The following PACRG variants were observed in gnomAD, a reference collection of about 807,000 sequenced individuals.
PACRG encodes the protein parkin coregulated gene protein.
PACRG carries 29 observed loss-of-function variants against 29.7 expected under a neutral mutation model. The observed-to-expected ratio is 0.98, with a 90% CI of 0.73 to 1.33. PACRG has a LOEUF of 1.33. Among genes scored for constraint, PACRG ranks in the 40% most tolerant of loss-of-function variants. PACRG has a pLI of 0.00. For synonymous variants in PACRG, 116 were observed against 118.7 expected (o/e 0.98, Z 0.15); for missense variants, 279 against 316.2 (o/e 0.88, Z 0.89).
intron 4 of PACRG, among the ~76,000 whole-genome samples, chr6:163,157,649 G>A (rs745753995): frequency 3.9e-5 from 6 of 152,214 alleles, no homozygotes; most frequent in Non-Finnish European, 7.3e-5. Context: ...CAGTTATCCA[G>A]CCAGCTGAGG....
At chr6:163,256,596 G>T (rs1222795517) in intron 4 of PACRG, among the ~76,000 whole-genome samples, 4 of 152,156 alleles carry the variant, frequency 2.6e-5, no homozygotes, top group Non-Finnish European at 5.9e-5. Context: ...TGAGGAAAAC[G>T]TTCCAGCCCA....
intron 2 of PACRG, chr6:163,046,601 C>T: frequency 6.6e-6 from 1 of 152,022 alleles, no homozygotes; most frequent in Non-Finnish European, 1.5e-5. Flanking sequence ...GGCTTTGAAC[C>T]CGGGGGTGCC....
intron 2 of PACRG, chr6:163,051,891 C>T (rs1810053954): frequency 6.6e-6 from 1 of 152,064 alleles, no homozygotes; most frequent in Non-Finnish European, 1.5e-5. Context: ...TGGATGAATC[C>T]GTTTCAGTCT....
intron 2 of PACRG, among the ~76,000 whole-genome samples, chr6:162,876,274 G>A (rs1793342121): frequency 6.6e-6 from 1 of 152,212 alleles, no homozygotes; most frequent in African/African-American, 2.4e-5. Context: ...AGAGTGGGAA[G>A]GGAGGCCAAG....
At chr6:162,852,254 C>A (rs1013295061) in intron 2 of PACRG, among the ~76,000 whole-genome samples, 1 of 152,182 alleles carries the variant, frequency 6.6e-6, no homozygotes, top group Non-Finnish European at 1.5e-5. Flanking sequence ...GTGATTGCCT[C>A]CATCTGACTA....
chr6:163,271,171 GC>G (rs1783812409), intron 4 of PACRG, among the ~76,000 whole-genome samples: 1 of 152,070 alleles, frequency 6.6e-6, no homozygotes, highest in Non-Finnish European at 1.5e-5. Context: ...AAAGATGAAG[GC>G]CAGAAGACTC....
intron 1 of PACRG, among the ~76,000 whole-genome samples, chr6:162,791,311 G>GTTT (rs60664405): frequency 0.016 from 2,066 of 128,780 alleles, 55 homozygotes; most frequent in East Asian, 0.14. Context: ...TTGTTTGTTT[G>GTTT]TTTTTTTTTT....
At chr6:162,748,527 CTTGTA>C (rs1562558450) in intron 1 of PACRG, among the ~76,000 whole-genome samples, 1 of 151,978 alleles carries the variant, frequency 6.6e-6, no homozygotes, top group African/African-American at 2.4e-5. Flanking sequence ...AACCAAAAAA[CTTGTA>C]TTCAGTTTAT....
chr6:163,155,287 A>G (rs1778267149), intron 4 of PACRG, among the ~76,000 whole-genome samples: 1 of 152,358 alleles, frequency 6.6e-6, no homozygotes, highest in South Asian at 2.1e-4. Context: ...AGATGAGGCC[A>G]GTGAAGAGGA....
chr6:162,977,872 A>G (rs1333804458), intron 2 of PACRG, among the ~76,000 whole-genome samples: 2 of 152,190 alleles, frequency 1.3e-5, no homozygotes, highest in Non-Finnish European at 2.9e-5. Flanking sequence ...GGCCAGGCAC[A>G]GTGGCTCACG....
At chr6:162,793,986 TTAAAA>T (rs1428798210) in intron 1 of PACRG, among the ~76,000 whole-genome samples, 1 of 152,182 alleles carries the variant, frequency 6.6e-6, no homozygotes, top group African/African-American at 2.4e-5. Context: ...ACCCTTGAAC[TTAAAA>T]TAAAAGTTAA....
At chr6:163,229,053 A>T (rs371450514) in intron 4 of PACRG, among the ~76,000 whole-genome samples, 9 of 152,212 alleles carry the variant, frequency 5.9e-5, no homozygotes, top group African/African-American at 1.9e-4. Flanking sequence ...GCTAAATTTC[A>T]TATCTCAATT....
chr6:163,301,671 G>C (rs1461959068), intron 4 of PACRG, among the ~76,000 whole-genome samples: 1 of 152,190 alleles, frequency 6.6e-6, no homozygotes, highest in Non-Finnish European at 1.5e-5. Context: ...ATGGCGTTCT[G>C]TGGGGCTATA....
At chr6:163,220,430 G>T (rs28360646) in intron 4 of PACRG, among the ~76,000 whole-genome samples, 41,963 of 151,992 alleles carry the variant, frequency 0.28, 6,832 homozygotes, top group East Asian at 0.6. Context: ...ATTTGCACAC[G>T]CCCTCTCTCT....
chr6:162,780,345 T>C (rs1784002752), intron 1 of PACRG, among the ~76,000 whole-genome samples: 1 of 152,236 alleles, frequency 6.6e-6, no homozygotes, highest in African/African-American at 2.4e-5. Context: ...CTTTAATATT[T>C]GGGCTCACAT....
At chr6:163,196,729 G>C (rs914573618) in intron 4 of PACRG, among the ~76,000 whole-genome samples, 3 of 152,126 alleles carry the variant, frequency 2.0e-5, no homozygotes, top group Non-Finnish European at 2.9e-5. Context: ...ACAAGACCCA[G>C]GGTGAGCAGA....
At chr6:163,009,034 G>T (rs1412669555) in intron 2 of PACRG, among the ~76,000 whole-genome samples, 1 of 152,084 alleles carries the variant, frequency 6.6e-6, no homozygotes, top group Non-Finnish European at 1.5e-5. Context: ...AACAGACTTT[G>T]ATTATTTTTG....
chr6:162,975,889 G>A (rs1234928715), intron 2 of PACRG, among the ~76,000 whole-genome samples: 1 of 151,072 alleles, frequency 6.6e-6, no homozygotes, highest in Non-Finnish European at 1.5e-5. Context: ...ACCATACCGA[G>A]TACTGCACTG....
chr6:162,817,489 G>C (rs1037861557), intron 2 of PACRG, among the ~76,000 whole-genome samples: 3 of 152,078 alleles, frequency 2.0e-5, no homozygotes, highest in African/African-American at 4.8e-5. Context: ...CTGCAGCTTC[G>C]TCTCTTTCTT....
Sources: allele counts gnomAD v4.1 joint callset (sites outside exome capture counted in the v4.1 genomes callset), GRCh38; gene constraint gnomAD v4.1.1; transcripts MANE v1.5; gene names NCBI Gene and HGNC (gene_info 2026-07-23, HGNC 2026-07-21).